BCAT2: variants seen among roughly 807,000 people sequenced by gnomAD.
BCAT2 encodes branched-chain-amino-acid aminotransferase, mitochondrial.
In BCAT2, 44 loss-of-function variants were observed where a neutral mutation model predicts 52.9. The observed-to-expected ratio is 0.83, with a 90% CI of 0.65 to 1.07. BCAT2 has a LOEUF of 1.07. Among genes scored for constraint, BCAT2 ranks in the 50% least tolerant of loss-of-function variants. BCAT2 has a pLI of 0.00. For synonymous variants in BCAT2, 215 were observed against 217.1 expected (o/e 0.99, Z 0.08); for missense variants, 478 against 521.8 (o/e 0.92, Z 0.82).
intron 10 of BCAT2, chr19:48,796,090 T>G (rs2034505124): frequency 2.1e-6 from 1 of 473,708 alleles, no homozygotes; most frequent in South Asian, 4.3e-5. Flanking sequence ...GGAGGGAGTT[T>G]CTCCCACCAG....
intron 3 of BCAT2, among the ~76,000 whole-genome samples, chr19:48,801,235 G>T (rs1200559569): frequency 6.7e-6 from 1 of 149,518 alleles, no homozygotes; most frequent in Non-Finnish European, 1.5e-5. Flanking sequence ...CACCCAGCCA[G>T]ACTTTTTTTT....
chr19:48,796,366 T>C (rs749016608), intron 10 of BCAT2, 62 bp downstream of exon 10: 1 of 1,599,812 alleles, frequency 6.3e-7, no homozygotes, highest in Non-Finnish European at 8.6e-7. Context: ...CAGGGGCTCA[T>C]GGGACACCAA....
chr19:48,802,728 G>T (rs2122677078), intron 3 of BCAT2, among the ~76,000 whole-genome samples: 1 of 152,188 alleles, frequency 6.6e-6, no homozygotes. Flanking sequence ...GATTGCAGGT[G>T]AGCCATCACA....
chr19:48,800,890 G>A (rs899367646), intron 3 of BCAT2, among the ~76,000 whole-genome samples: 4 of 152,160 alleles, frequency 2.6e-5, no homozygotes, highest in Admixed American at 2.0e-4. Flanking sequence ...GAGCCTGGAA[G>A]GCAGGGATTA....
chr19:48,810,996 G>T lies in BCAT2; in HGVS notation c.12C>A (p.Ala4=). 1.2e-6 allele frequency: 2 copies of T among 1,608,118 alleles called. No individual in the cohort carries two copies. Among genetic ancestry groups the T allele is most frequent in the East Asian group, 2.2e-5 (1 of 44,576 alleles). Residue 4 remains alanine, a synonymous_variant, in exon 1 of 11, where the codon GCC becomes GCA. Transcript: ENST00000316273. ...GCTGCGAACCCACCTGCCCCAGAGC[G>T]GCTGCGGCCATGATCCGTGCGGCGC... MAA[A]ALGQIWARKL...
In BCAT2 at chr19:48,795,362, G is replaced by T. The variant is rs2034478695; in HGVS notation, c.*64C>A. ...TTGCACTTCAGGTGAGTCATTGGTA[G>T]GGAGGCGAGTGCTGGCGTGACGAGA... On this transcript the variant is annotated 3_prime_UTR_variant, in exon 11 of 11. Transcript: ENST00000316273. 1 of 1,604,650 alleles carries T rather than the reference G, an allele frequency of 6.2e-7. No individual in the cohort carries two copies. The highest frequency in any genetic ancestry group is 1.7e-5 in the Admixed American group (1 of 59,788).
intron 6 of BCAT2, chr19:48,797,654 G>A (rs1218809024): frequency 1.6e-5 from 5 of 314,564 alleles, no homozygotes; most frequent in Non-Finnish European, 3.0e-5. Flanking sequence ...AGGTTCAAGA[G>A]ATTCTCCTGC....
chr19:48,806,365 TG>T, intron 3 of BCAT2, 151 bp downstream of exon 3: 2 of 999,142 alleles, frequency 2.0e-6, no homozygotes, highest in Non-Finnish European at 2.9e-6. Context: ...AGCATGAGCC[TG>T]GAGCATGGAA....
At chr19:48,801,079 C>A (rs527878134) in intron 3 of BCAT2, among the ~76,000 whole-genome samples, 23 of 152,134 alleles carry the variant, frequency 1.5e-4, no homozygotes, top group Non-Finnish European at 3.4e-4. Flanking sequence ...CCTCCGCCTC[C>A]CAGGTCCAAG....
intron 7 of BCAT2, 28 bp from the exon 8 acceptor site, chr19:48,797,050 G>A: frequency 1.2e-6 from 2 of 1,612,646 alleles, no homozygotes; most frequent in South Asian, 2.2e-5. Flanking sequence ...GGTGGAAGAT[G>A]TTACCTCTCA....
chr19:48,800,130 C>A, intron 4 of BCAT2, 30 bp from the exon 5 acceptor site: 3 of 1,612,910 alleles, frequency 1.9e-6, no homozygotes, highest in Non-Finnish European at 2.5e-6. Context: ...AGTCAAGGGG[C>A]CCTTGCTGCC....
At chr19:48,800,358 A>C in intron 3 of BCAT2, 61 bp from the exon 4 acceptor site, 1 of 1,438,736 alleles carries the variant, frequency 7.0e-7, no homozygotes, top group Non-Finnish European at 9.6e-7. Flanking sequence ...GAGAGACACC[A>C]AGACAGACAG....
intron 9 of BCAT2, 31 bp from the exon 10 acceptor site, chr19:48,796,533 C>A: frequency 1.9e-6 from 3 of 1,608,172 alleles, no homozygotes; most frequent in Non-Finnish European, 2.5e-6. Flanking sequence ...AGGACCAAGC[C>A]CCTCCCCTCC....
intron 3 of BCAT2, among the ~76,000 whole-genome samples, chr19:48,803,112 T>G (rs1275105285): frequency 6.6e-6 from 1 of 152,136 alleles, no homozygotes; most frequent in Non-Finnish European, 1.5e-5. Context: ...GGAGGATCAC[T>G]TGAGCCTAGG....
rs1263410284 is a variant in BCAT2 at position 48,810,978 on chromosome 19, A to C, written c.24+6T>G. ...CCCAGACCCCGGCGCGGGGCTGCGA[A>C]CCCACCTGCCCCAGAGCGGCTGCGG... On this transcript the variant is annotated splice_donor_region_variant and intron_variant, in intron 1 of 10. Transcript: ENST00000316273. 3 of 1,606,546 alleles carry C rather than the reference A, an allele frequency of 1.9e-6. No homozygotes were observed. The highest frequency in any genetic ancestry group is 2.5e-6 in the Non-Finnish European group (3 of 1,177,560).
rs1170069732 is a variant in BCAT2, at chr19:48,807,765, A to C, written c.25-691T>G. The C allele has an allele frequency of 1.5e-5, 15 of 985,870 alleles. No individual in the cohort carries two copies. Among genetic ancestry groups the C allele is most frequent in the Non-Finnish European group, 1.4e-5 (12 of 830,052 alleles). 61.1% of individuals were successfully genotyped at this position (985,870 alleles called of 1,614,324 possible). A position where few individuals can be genotyped will look rare whatever the true frequency, so the allele number is the denominator to read the frequency against. On this transcript the variant is annotated intron_variant, in intron 1 of 10. Transcript: ENST00000316273. The surrounding 1 kb of genome is among the most constrained non-coding windows in gnomAD (Gnocchi z 4.6). ...ACTGGGCTCTGATTACCTGAAATAC[A>C]AACCCATTTTGGCAGTGACTCCAAT... is the stretch of plus-strand genomic sequence containing the variant.
intron 8 of BCAT2, 33 bp downstream of exon 8, chr19:48,796,904 G>A (rs755321919): frequency 6.2e-7 from 1 of 1,611,410 alleles, no homozygotes; most frequent in Admixed American, 1.7e-5. Flanking sequence ...CCTGGCACAT[G>A]GCGCCCATCA....
chr19:48,806,755 A>C (rs545371877), intron 2 of BCAT2, 38 bp from the exon 3 acceptor site: 2 of 1,605,294 alleles, frequency 1.2e-6, no homozygotes, highest in African/African-American at 1.3e-5. Flanking sequence ...TCTGGCCACA[A>C]CCTCCCAGCT....
In BCAT2 at chr19:48,799,842, C is replaced by T. The variant is rs1245045733; in HGVS notation, c.532-4G>A. On this transcript the variant is annotated splice_polypyrimidine_tract_variant and splice_region_variant and intron_variant, in intron 5 of 10. Coordinates refer to ENST00000316273, the MANE Select transcript of BCAT2 (RefSeq NM_001190.4). This position sits in a 1 kb window ranked among gnomAD's most constrained non-coding sequence, Gnocchi z 5.5. Reference sequence around the variant, plus strand: ...GCTGGCTGACACCCAGCGAGGGCTGCGACGGGCAAAGGGACAGCGTCAGGA... The same window carrying T: ...GCTGGCTGACACCCAGCGAGGGCTGTGACGGGCAAAGGGACAGCGTCAGGA... 1.9e-6 allele frequency: 3 copies of T among 1,560,430 alleles called. No individual in the cohort carries two copies. Among genetic ancestry groups the T allele is most frequent in the Non-Finnish European group, 2.6e-6 (3 of 1,152,462 alleles).
Sources: allele counts gnomAD v4.1 joint callset (sites outside exome capture counted in the v4.1 genomes callset), GRCh38; gene constraint gnomAD v4.1.1; non-coding constraint Gnocchi (gnomAD v3.1); transcripts MANE v1.5; gene names NCBI Gene and HGNC (gene_info 2026-07-23, HGNC 2026-07-21).